Variants in COX10 observed in about 807,000 individuals in gnomAD.
The protein encoded by COX10 is cytochrome c oxidase assembly factor heme A:farnesyltransferase COX10.
COX10 carries 27 observed loss-of-function variants against 37.3 expected under a neutral mutation model. The ratio of observed to expected loss-of-function variants is 0.72; its 90% CI spans 0.53 to 1.00. The LOEUF (loss-of-function observed/expected upper bound fraction) is 1.00. COX10 is among the 50% of genes least tolerant of loss of function. The pLI is 0.00. For missense variants in COX10, 475 were observed against 563.2 expected (o/e 0.84, Z 1.59); for synonymous variants, 222 against 229.1 (o/e 0.97, Z 0.28).
chr17:14,151,289 T>C (rs1470849842), intron 4 of COX10, among the ~76,000 whole-genome samples: 1 of 152,046 alleles, frequency 6.6e-6, no homozygotes, highest in Admixed American at 6.6e-5. Flanking sequence ...TAGGAAGAAT[T>C]GCTGGGCCCT....
chr17:14,081,418 A>C (rs1031830587), intron 3 of COX10, among the ~76,000 whole-genome samples: 11 of 152,252 alleles, frequency 7.2e-5, no homozygotes, highest in African/African-American at 2.4e-4. Flanking sequence ...TGGATTGCTA[A>C]GGAGACATAA....
Position 14,076,555 on chromosome 17 carries a change from C to A in COX10, c.178-180C>A, listed in dbSNP as rs188034832. 8.9e-4 allele frequency among the ~76,000 whole-genome samples: 135 copies of A among 152,228 alleles called. 1 individual carries two copies. The highest frequency in any genetic ancestry group is 3.2e-3 in the African/African-American group (131 of 41,538). On this transcript the variant is annotated intron_variant, in intron 2 of 6. Transcript: ENST00000261643. ...GAGGCCTAAATTTTATTCTCCATAT[C>A]TCTTAGTATAGTGATTTCCATATAG...
At chr17:14,150,129 C>T (rs1470289384) in intron 4 of COX10, among the ~76,000 whole-genome samples, 1 of 151,906 alleles carries the variant, frequency 6.6e-6, no homozygotes, top group Non-Finnish European at 1.5e-5. Context: ...AAAACTTAGC[C>T]GGGTTTGGTG....
chr17:14,142,315 G>A (rs1038357013), intron 4 of COX10, among the ~76,000 whole-genome samples: 1 of 152,328 alleles, frequency 6.6e-6, no homozygotes, highest in African/African-American at 2.4e-5. Context: ...TGGATTTTAA[G>A]AATTGTGTCT....
In COX10 at chr17:14,200,787, TTAGG is replaced by T. The variant is rs548791872; in HGVS notation, c.929-6018_929-6015del. ...AAATGTGTACAAAGATTGTGCAGGG[TTAGG>T]TAGGAAAATGGGAAGATACAGTTAA... On this transcript the variant is annotated intron_variant, in intron 6 of 6. Transcript: ENST00000261643. Among the ~76,000 whole-genome samples the T allele has an allele frequency of 1.1e-4, 17 of 152,290 alleles. 1 individual carries two copies. In the South Asian group the frequency reaches 3.5e-3, roughly 32 times the overall value.
chr17:14,099,847 G>C (rs1915736898), intron 3 of COX10, among the ~76,000 whole-genome samples: 1 of 151,718 alleles, frequency 6.6e-6, no homozygotes, highest in Admixed American at 6.6e-5. Context: ...ATGTCCCACG[G>C]TTTCTCAAAA....
At chr17:14,157,272 C>G (rs887796022) in intron 4 of COX10, among the ~76,000 whole-genome samples, 3 of 152,156 alleles carry the variant, frequency 2.0e-5, no homozygotes, top group Admixed American at 2.0e-4. Flanking sequence ...CTGAATCTAA[C>G]TGACTTTTGT....
intron 4 of COX10, among the ~76,000 whole-genome samples, chr17:14,133,270 A>T (rs1177727524): frequency 1.3e-5 from 2 of 151,738 alleles, no homozygotes; most frequent in Admixed American, 1.3e-4. Flanking sequence ...AAATGTTTTC[A>T]TGAGTCATAC....
Position 14,114,564 on chromosome 17 carries a change from T to A in COX10, c.624+12322T>A, listed in dbSNP as rs558231611. Among the ~76,000 whole-genome samples, 9 of 152,228 alleles carry A rather than the reference T, an allele frequency of 5.9e-5. 1 individual carries two copies. In the South Asian group the frequency reaches 1.7e-3, roughly 28 times the overall value. ...TATTTTTGATTATGCCATTGATGTT[T>A]TACTACAAAGCCTCAAGTTGCCAGC... is the stretch of plus-strand genomic sequence containing the variant. On this transcript the variant is annotated intron_variant, in intron 4 of 6. Coordinates refer to ENST00000261643, the MANE Select transcript of COX10 (RefSeq NM_001303.4).
At chr17:14,163,889 A>T (rs1404972233) in intron 5 of COX10, among the ~76,000 whole-genome samples, 1 of 151,970 alleles carries the variant, frequency 6.6e-6, no homozygotes, top group East Asian at 1.9e-4. Flanking sequence ...TGTTTTTACA[A>T]TTCACTCTAT....
At chr17:14,073,709 A>C (rs1345395587) in intron 1 of COX10, among the ~76,000 whole-genome samples, 1 of 152,212 alleles carries the variant, frequency 6.6e-6, no homozygotes. Context: ...GAGAATCTGT[A>C]GTGTTCTATG....
At chr17:14,141,661 G>A (rs1904548166) in intron 4 of COX10, among the ~76,000 whole-genome samples, 1 of 151,544 alleles carries the variant, frequency 6.6e-6, no homozygotes, top group African/African-American at 2.4e-5. Flanking sequence ...AGTCTCAGAT[G>A]ATTTAGCATT....
In COX10 at chr17:14,084,023, A is replaced by G. The variant is rs191965554; in HGVS notation, c.499+6967A>G. On this transcript the variant is annotated intron_variant, in intron 3 of 6. Transcript: ENST00000261643. The stretch of plus-strand genomic sequence containing the variant: ...GCTGTTGATGGAACTGATATGAAGT[A>G]TGATCTATCAATGTATAAATTTTTT... Among the ~76,000 whole-genome samples, 222 of 152,320 alleles carry G rather than the reference A, an allele frequency of 1.5e-3. 1 individual carries two copies. Among genetic ancestry groups the G allele is most frequent in the African/African-American group, 5.0e-3 (209 of 41,582 alleles).
At chr17:14,190,234 A>G (rs145700537) in intron 5 of COX10, among the ~76,000 whole-genome samples, 357 of 152,340 alleles carry the variant, frequency 2.3e-3, no homozygotes, top group African/African-American at 8.3e-3. Context: ...CTGTTAAACC[A>G]TCCCCTTGAA....
intron 4 of COX10, among the ~76,000 whole-genome samples, chr17:14,144,565 G>A (rs990374543): frequency 6.6e-6 from 1 of 152,120 alleles, no homozygotes; most frequent in Non-Finnish European, 1.5e-5. Flanking sequence ...GTCTGTTAAC[G>A]TTAGAAGTTT....
intron 4 of COX10, among the ~76,000 whole-genome samples, chr17:14,132,666 A>T (rs2142220421): frequency 6.6e-6 from 1 of 151,834 alleles, no homozygotes; most frequent in East Asian, 1.9e-4. Flanking sequence ...ATATATTCAT[A>T]GTTTAACCTC....
chr17:14,069,660 G>C lies in COX10; in HGVS notation c.43+12G>C, dbSNP rs375615766. The C allele has an allele frequency of 1.1e-5, 18 of 1,613,968 alleles. No homozygotes were observed. The highest frequency in any genetic ancestry group is 1.4e-5 in the Non-Finnish European group (17 of 1,180,002). On this transcript the variant is annotated intron_variant, in intron 1 of 6. Coordinates refer to ENST00000261643, the MANE Select transcript of COX10 (RefSeq NM_001303.4). ...ACGCCTCCTGACAGGTACTGTACCC[G>C]CCTTGGGCACGACCTTGGGGGAAAT...
At chr17:14,086,704 C>T (rs1222999963) in intron 3 of COX10, among the ~76,000 whole-genome samples, 1 of 152,014 alleles carries the variant, frequency 6.6e-6, no homozygotes, top group African/African-American at 2.4e-5. Flanking sequence ...CATGTTTATG[C>T]TAATTATTTC....
At chr17:14,078,162 G>C (rs1915199204) in intron 3 of COX10, among the ~76,000 whole-genome samples, 1 of 152,176 alleles carries the variant, frequency 6.6e-6, no homozygotes, top group South Asian at 2.1e-4. Flanking sequence ...ATGTCTCAGT[G>C]GTTTATGGTC....
Sources: allele counts gnomAD v4.1 joint callset (sites outside exome capture counted in the v4.1 genomes callset), GRCh38; gene constraint gnomAD v4.1.1; transcripts MANE v1.5; gene names NCBI Gene and HGNC (gene_info 2026-07-23, HGNC 2026-07-21).